Variants in RTN4RL1 observed in about 807,000 individuals in gnomAD.
RTN4RL1 encodes reticulon-4 receptor-like 1.
A neutral mutation model predicts 25.6 loss-of-function variants in RTN4RL1; 7 were observed. That is an observed-to-expected ratio of 0.27 (90% confidence interval 0.16 to 0.51). RTN4RL1 has a LOEUF of 0.51. Among genes scored for constraint, RTN4RL1 ranks in the 20% least tolerant of loss-of-function variants. The pLI is 0.97. For missense variants in RTN4RL1, 500 were observed against 615.6 expected (o/e 0.81, Z 1.99); for synonymous variants, 297 against 288.2 (o/e 1.03, Z -0.31).
chr17:1,946,625 CGT>C lies in RTN4RL1; in HGVS notation c.14-8819_14-8818del, dbSNP rs1378909815. On this transcript the variant is annotated intron_variant, in intron 1 of 1. Transcript: ENST00000331238. ...TATGTTGAATGTGTGTCTGTGTGCA[CGT>C]GTGTCTGTGCATCTCTGTGTGAATA... Among the ~76,000 whole-genome samples the C allele has an allele frequency of 2.2e-5, 3 of 139,532 alleles. No individual in the cohort carries two copies. In the South Asian group the frequency reaches 7.0e-4, roughly 33 times the overall value. The allele number at this position is 139,532 out of a possible 152,430, so 91.5% of individuals were successfully genotyped here. A position where few individuals can be genotyped will look rare whatever the true frequency, so the allele number is the denominator to read the frequency against.
At chr17:1,953,479 C>A (rs1033619329) in intron 1 of RTN4RL1, among the ~76,000 whole-genome samples, 1 of 152,070 alleles carries the variant, frequency 6.6e-6, no homozygotes, top group Non-Finnish European at 1.5e-5. Flanking sequence ...GTGCAGCACA[C>A]CAACATGGCA....
rs535637325 is a variant in RTN4RL1, at chr17:1,936,845, C to T, written c.977G>A (p.Arg326His). The T allele has an allele frequency of 8.6e-5, 137 of 1,585,120 alleles. 3 individuals are homozygous for T. Among genetic ancestry groups the T allele is most frequent in the South Asian group, 7.0e-4 (61 of 86,724 alleles). The change falls in exon 2 of 2, where the codon CGC becomes CAC. Residue 326 changes from arginine to histidine, a missense_variant. Arg to His is a conservative substitution (Grantham distance 29). This residue lies in a region of RTN4RL1 where 268 missense variants were observed against 274.5 expected (regional missense o/e 0.98). Transcript: ENST00000331238. ...HTLTTTDRAA[R>H]KEHHSPHGPT... is the part of the protein sequence containing the mutation. ...GCCGTGGGGTGAGTGGTGTTCCTTG[C>T]GGGCGGCCCTGTCGGTGGTGGTGAG...
chr17:1,967,318 G>A (rs1396059743), intron 1 of RTN4RL1, among the ~76,000 whole-genome samples: 4 of 152,156 alleles, frequency 2.6e-5, no homozygotes, highest in African/African-American at 7.2e-5. Context: ...GGATTCCGCC[G>A]GAGGCCAAGG....
At chr17:1,944,512 G>A (rs1373212997) in intron 1 of RTN4RL1, among the ~76,000 whole-genome samples, 1 of 152,194 alleles carries the variant, frequency 6.6e-6, no homozygotes. Flanking sequence ...CTGGAGTGCA[G>A]TGGTGCGATC....
chr17:2,005,302 C>T (rs141989934), intron 1 of RTN4RL1, among the ~76,000 whole-genome samples: 60 of 152,244 alleles, frequency 3.9e-4, no homozygotes, highest in African/African-American at 8.4e-4. Flanking sequence ...CCACCACATC[C>T]GGCCACCAAG....
chr17:1,968,304 A>G (rs370979388), intron 1 of RTN4RL1, among the ~76,000 whole-genome samples: 3 of 151,558 alleles, frequency 2.0e-5, no homozygotes, highest in Admixed American at 1.3e-4. Flanking sequence ...AGTGACTACC[A>G]CCGCCTCCAT....
chr17:2,002,412 C>T (rs2066964680), intron 1 of RTN4RL1, among the ~76,000 whole-genome samples: 1 of 151,182 alleles, frequency 6.6e-6, no homozygotes, highest in South Asian at 2.1e-4. Flanking sequence ...CCTGCCTCAG[C>T]CTCCCGAGTA....
chr17:1,937,865 C>G lies in RTN4RL1; in HGVS notation c.14-57G>C, dbSNP rs984349642. ...GGGCCGTGCAGGTGAGGACTGGCAC[C>G]GCACCCTCCGGCGCCCGCCGAGGAC... is the stretch of plus-strand genomic sequence containing the variant. On this transcript the variant is annotated intron_variant, in intron 1 of 1. Transcript: ENST00000331238. The G allele has an allele frequency of 3.7e-6, 5 of 1,354,904 alleles. No individual in the cohort carries two copies. The African/African-American group carries it at 4.3e-5, about 12-fold the overall frequency. The allele number at this position is 1,354,904 out of a possible 1,614,324, so 83.9% of individuals were successfully genotyped here.
chr17:2,000,716 C>T (rs954833117), intron 1 of RTN4RL1, among the ~76,000 whole-genome samples: 4 of 151,872 alleles, frequency 2.6e-5, no homozygotes, highest in African/African-American at 7.3e-5. Context: ...GATGGGGTTT[C>T]GCCATGTTGG....
chr17:2,023,265 G>C (rs761990283), intron 1 of RTN4RL1, among the ~76,000 whole-genome samples: 1 of 152,124 alleles, frequency 6.6e-6, no homozygotes, highest in East Asian at 1.9e-4. Context: ...TCTGTAAAAA[G>C]CACCTTCTCT....
rs560416870 is a variant in RTN4RL1 at position 1,951,891 on chromosome 17, GAGGC to G, written c.14-14087_14-14084del. Among the ~76,000 whole-genome samples the G allele has an allele frequency of 8.1e-3, 1,236 of 152,340 alleles. 3 individuals carry two copies. The highest frequency in any genetic ancestry group is 0.013 in the Non-Finnish European group (878 of 68,032). On this transcript the variant is annotated intron_variant, in intron 1 of 1. Transcript: ENST00000331238. ...AAAGTTCCTTCCTGGCAGAAAGGCG[GAGGC>G]AGAAGGCATATGGAGTGGGATGAAG...
intron 1 of RTN4RL1, among the ~76,000 whole-genome samples, chr17:1,969,990 T>G: frequency 6.7e-6 from 1 of 150,152 alleles, no homozygotes; most frequent in African/African-American, 2.4e-5. Context: ...TCTCTCTCCA[T>G]GTGGCCTCAG....
intron 1 of RTN4RL1, among the ~76,000 whole-genome samples, chr17:1,964,541 G>T (rs1386226687): frequency 1.3e-5 from 2 of 152,054 alleles, no homozygotes; most frequent in Admixed American, 1.3e-4. Flanking sequence ...GACCATCCTG[G>T]CTAACATGGT....
chr17:2,021,353 C>A (rs550312479), intron 1 of RTN4RL1, among the ~76,000 whole-genome samples: 1 of 152,124 alleles, frequency 6.6e-6, no homozygotes, highest in African/African-American at 2.4e-5. Context: ...ATGAGCCCTG[C>A]CCTTTGCAGA....
chr17:1,987,868 G>T (rs2066893561), intron 1 of RTN4RL1, among the ~76,000 whole-genome samples: 1 of 152,144 alleles, frequency 6.6e-6, no homozygotes, highest in South Asian at 2.1e-4. Context: ...CACTTTGGGA[G>T]GCCAAGGCAG....
At chr17:1,969,180 T>C (rs1023408155) in intron 1 of RTN4RL1, among the ~76,000 whole-genome samples, 3 of 148,868 alleles carry the variant, frequency 2.0e-5, no homozygotes, top group Non-Finnish European at 4.4e-5. Flanking sequence ...TGCCTCAGCC[T>C]CCTGAGTAGC....
In RTN4RL1 at chr17:1,937,513, C is replaced by A; in HGVS notation, c.309G>T (p.Glu103Asp). The change falls in exon 2 of 2, where the codon GAG (glutamate) becomes GAT (aspartate). Residue 103 changes from glutamate (E) to aspartate (D), a missense_variant. Transcript: ENST00000331238. ...GCCGGTTGTCGCCGAGGTCCAGCTC[C>A]TCCAGGTGCACGAAGCCCTCGAAGG... is the stretch of plus-strand genomic sequence containing the variant. ...PSTFEGFVHLEELDLGDNRQL... is the reference protein window; with the variant it reads ...PSTFEGFVHLDELDLGDNRQL... 6.2e-7 allele frequency: 1 copy of A among 1,613,974 alleles called. No homozygotes were observed. Among genetic ancestry groups the A allele is most frequent in the Non-Finnish European group, 8.5e-7 (1 of 1,179,878 alleles).
intron 1 of RTN4RL1, among the ~76,000 whole-genome samples, chr17:1,941,153 G>A (rs867465949): frequency 6.6e-6 from 1 of 152,224 alleles, no homozygotes; most frequent in Non-Finnish European, 1.5e-5. Flanking sequence ...ATCTCTGTAA[G>A]GTCCAGGATG....
chr17:2,020,658 G>A (rs2067188767), intron 1 of RTN4RL1: 1 of 152,238 alleles, frequency 6.6e-6, no homozygotes, highest in Admixed American at 6.5e-5. Flanking sequence ...AAATGAGTGT[G>A]TTTGACTGAT....
Sources: allele counts gnomAD v4.1 joint callset (sites outside exome capture counted in the v4.1 genomes callset), GRCh38; gene constraint gnomAD v4.1.1; regional missense constraint gnomAD v4.1.1; transcripts MANE v1.5; gene names NCBI Gene and HGNC (gene_info 2026-07-23, HGNC 2026-07-21).